The following ZNF540 variants were observed in gnomAD, a reference collection of about 807,000 sequenced individuals.
ZNF540 encodes zinc finger protein 540, also known as CTD-3064H18.6.
In ZNF540, 3 loss-of-function variants were observed where a neutral mutation model predicts 11.8. The ratio of observed to expected loss-of-function variants is 0.25; its 90% confidence interval spans 0.12 to 0.65. The LOEUF is 0.65. Ranked by LOEUF, ZNF540 falls within the 30% of genes least tolerant of loss-of-function variation. ZNF540 has a pLI of 0.83. For missense variants in ZNF540, 709 were observed against 793.1 expected (o/e 0.89, Z 1.27); for synonymous variants, 247 against 259.0 (o/e 0.95, Z 0.45).
chr19:37,568,286 G>A (rs1015611633), intron 1 of ZNF540, among the ~76,000 whole-genome samples: 3 of 150,238 alleles, frequency 2.0e-5, no homozygotes, highest in Non-Finnish European at 4.4e-5. Flanking sequence ...TTGCTGAAAA[G>A]CAAAAAGAAA....
intron 1 of ZNF540, among the ~76,000 whole-genome samples, chr19:37,561,800 A>C (rs2042720283): frequency 6.6e-6 from 1 of 152,248 alleles, no homozygotes; most frequent in Admixed American, 6.5e-5. Flanking sequence ...CTTTTCCTTT[A>C]AATTTATAAT....
In ZNF540 at chr19:37,611,502, T is replaced by A; in HGVS notation, c.233-11T>A. ...AAAATAATTTTTGTTTGCTTTTATGTTTTCTTTCAGGTTTGTTATCCAGGC... is the reference window on the plus strand; with the variant it reads ...AAAATAATTTTTGTTTGCTTTTATGATTTCTTTCAGGTTTGTTATCCAGGC... On this transcript the variant is annotated splice_polypyrimidine_tract_variant and intron_variant, in intron 4 of 4. Coordinates refer to ENST00000316433, the MANE Select transcript of ZNF540 (RefSeq NM_001172225.3). 1 of 1,557,308 alleles carries A rather than the reference T, an allele frequency of 6.4e-7. No individual in the cohort carries two copies. The highest frequency in any genetic ancestry group is 8.6e-7 in the Non-Finnish European group (1 of 1,156,872).
chr19:37,602,960 G>A (rs2044051260), intron 4 of ZNF540, among the ~76,000 whole-genome samples: 1 of 150,368 alleles, frequency 6.7e-6, no homozygotes, highest in Non-Finnish European at 1.5e-5. Context: ...GAGGGAACTA[G>A]ATAAGAGGTT....
At chr19:37,593,451 C>G (rs1189449803), upstream of ZNF540, among the ~76,000 whole-genome samples, 4 of 152,182 alleles carry the variant, frequency 2.6e-5, no homozygotes. Context: ...CGCCTGTAAT[C>G]CCAGCACTCT....
chr19:37,582,646 G>A (rs17304703), intron 1 of ZNF540, among the ~76,000 whole-genome samples: 40,474 of 152,038 alleles, frequency 0.27, 6,441 homozygotes, highest in Non-Finnish European at 0.37. Context: ...GATATCTAAT[G>A]AGCATATCAA....
In ZNF540 at chr19:37,613,196, T is replaced by C. The variant is rs1478441820; in HGVS notation, c.1916T>C (p.Val639Ala). Residue 639 changes from valine (V) to alanine (A), a missense_variant, in exon 5 of 5, where the codon GTA becomes GCA. Transcript: ENST00000316433. ...GGTGAGAAACCCTATGAGTGTAAGGTATGTAGAAAGGCCTTTAGACAATAT... is the reference window on the plus strand; with the variant it reads ...GGTGAGAAACCCTATGAGTGTAAGGCATGTAGAAAGGCCTTTAGACAATAT... ...HTGEKPYECK[V>A]CRKAFRQYSH... is the part of the protein sequence containing the mutation. 2.5e-6 allele frequency: 4 copies of C among 1,597,306 alleles called. No homozygotes were observed. Among genetic ancestry groups the C allele is most frequent in the Non-Finnish European group, 3.4e-6 (4 of 1,171,562 alleles).
chr19:37,565,748 G>C, intron 1 of ZNF540: 1 of 1,613,434 alleles, frequency 6.2e-7, no homozygotes, highest in Non-Finnish European at 8.5e-7. Context: ...TTTCCCACAT[G>C]CGTTACACTG....
chr19:37,601,179 A>G lies in ZNF540; in HGVS notation c.232+74A>G. 5 of 1,280,068 alleles carry G rather than the reference A, an allele frequency of 3.9e-6. No individual in the cohort carries two copies. The South Asian group carries it at 6.8e-5, about 17-fold the overall frequency. The allele number at this position is 1,280,068 out of a possible 1,614,324, so 79.3% of individuals were successfully genotyped here. ...GGCCAGCTGGTGAGGGAGCATATACAGGCTTTGCATGCTGTTTAGGGAGTT... is the reference window on the plus strand; with the variant it reads ...GGCCAGCTGGTGAGGGAGCATATACGGGCTTTGCATGCTGTTTAGGGAGTT... On this transcript the variant is annotated intron_variant, in intron 4 of 4. Transcript: ENST00000316433.
intron 1 of ZNF540, among the ~76,000 whole-genome samples, chr19:37,579,958 A>T (rs929284555): frequency 6.6e-6 from 1 of 152,192 alleles, no homozygotes; most frequent in Non-Finnish European, 1.5e-5. Context: ...GCTACCTATT[A>T]TTCTGGAAAA....
chr19:37,565,676 T>TA, intron 1 of ZNF540: 4 of 1,613,714 alleles, frequency 2.5e-6, no homozygotes, highest in Non-Finnish European at 2.5e-6. Context: ...CTTACATTCA[T>TA]ATGGTTTCTC....
At position 37,611,872 on chromosome 19, in the gene ZNF540, A is replaced by C. The variant is rs1473874076; in HGVS notation, c.592A>C (p.Asn198His). ...TAAAGAATGTGGGAGTACTTTTAAT[A>C]ATGTCTATCAGCTTACTCTCCATCA... ...DCKECGSTFNNVYQLTLHQKI... is the reference protein window; with the variant it reads ...DCKECGSTFNHVYQLTLHQKI... Residue 198 changes from asparagine to histidine, a missense_variant, in exon 5 of 5, where the codon AAT becomes CAT. By Grantham distance (68) the Asn-to-His change is moderately conservative (BLOSUM62 1). Transcript: ENST00000316433. 1 of 1,613,894 alleles carries C rather than the reference A, an allele frequency of 6.2e-7. No individual in the cohort carries two copies. The highest frequency in any genetic ancestry group is 8.5e-7 in the Non-Finnish European group (1 of 1,179,942).
At chr19:37,564,741 A>G (rs1253264508) in intron 1 of ZNF540, 3 of 1,613,528 alleles carry the variant, frequency 1.9e-6, no homozygotes, top group East Asian at 4.5e-5. Flanking sequence ...GCCCTCCCAC[A>G]TTCCTTACAT....
At chr19:37,566,152 G>C in intron 1 of ZNF540, 3 of 1,613,962 alleles carry the variant, frequency 1.9e-6, no homozygotes, top group Non-Finnish European at 2.5e-6. Flanking sequence ...AGTTGCCTTT[G>C]CACTCCATAT....
intron 1 of ZNF540, chr19:37,565,348 C>T: frequency 1.2e-6 from 2 of 1,613,616 alleles, no homozygotes; most frequent in Non-Finnish European, 8.5e-7. Flanking sequence ...CATAGGGTTT[C>T]TCTCCTGTAT....
chr19:37,565,603 A>G, intron 1 of ZNF540: 1 of 1,613,068 alleles, frequency 6.2e-7, no homozygotes, highest in East Asian at 2.2e-5. Flanking sequence ...AGGGTTTTTC[A>G]CCACTATGAA....
chr19:37,593,823 G>A (rs1462614691), upstream of ZNF540, among the ~76,000 whole-genome samples: 1 of 152,164 alleles, frequency 6.6e-6, no homozygotes, highest in African/African-American at 2.4e-5. Context: ...CATCCCCGCA[G>A]CATCATTTAT....
At chr19:37,552,485 G>C (rs2042616260) in intron 1 of ZNF540, among the ~76,000 whole-genome samples, 1 of 152,138 alleles carries the variant, frequency 6.6e-6, no homozygotes. Context: ...ATATGATTCT[G>C]AGTTCATTTA....
At position 37,611,535 on chromosome 19, in the gene ZNF540, C is replaced by T. The variant is rs1462229066; in HGVS notation, c.255C>T (p.Thr85=). The T allele has an allele frequency of 1.3e-6, 2 of 1,598,974 alleles. No individual in the cohort carries two copies. Among genetic ancestry groups the T allele is most frequent in the South Asian group, 2.3e-5 (2 of 87,632 alleles). The change falls in exon 5 of 5, where the codon ACC becomes ACT. Residue 85 remains threonine, a synonymous_variant. Coordinates refer to ENST00000316433, the MANE Select transcript of ZNF540 (RefSeq NM_001172225.3). ...CAGGTTTGTTATCCAGGCATAAGAC[C>T]AAGAAATTATCTTCAGAAAAGGACA... ...QCPGLLSRHK[T]KKLSSEKDIH...
intron 1 of ZNF540, among the ~76,000 whole-genome samples, chr19:37,571,334 A>G (rs2043044106): frequency 6.6e-6 from 1 of 152,046 alleles, no homozygotes. Flanking sequence ...CAGCTCTACT[A>G]AAAATACAAA....
Sources: allele counts gnomAD v4.1 joint callset (sites outside exome capture counted in the v4.1 genomes callset), GRCh38; gene constraint gnomAD v4.1.1; transcripts MANE v1.5; gene names NCBI Gene and HGNC (gene_info 2026-07-23, HGNC 2026-07-21).